MCU: variants seen among roughly 807,000 people sequenced by gnomAD.
MCU encodes the protein mitochondrial calcium uniporter, also known as calcium uniporter protein, mitochondrial.
MCU carries 12 observed loss-of-function variants against 45.2 expected under a neutral mutation model. The observed-to-expected ratio is 0.27, with a 90% CI of 0.17 to 0.43. MCU has a LOEUF of 0.43. Among genes scored for constraint, MCU ranks in the 20% least tolerant of loss-of-function variants. The probability of loss-of-function intolerance (pLI) is 1.00; values close to 1 mark genes in which losing one functional copy is unlikely to be tolerated. For synonymous variants in MCU, 160 were observed against 165.1 expected (o/e 0.97, Z 0.24); for missense variants, 324 against 436.7 (o/e 0.74, Z 2.30).
At chr10:72,772,778 A>G (rs925477790) in intron 1 of MCU, among the ~76,000 whole-genome samples, 21 of 152,368 alleles carry the variant, frequency 1.4e-4, no homozygotes, top group Non-Finnish European at 2.9e-4. Flanking sequence ...AGGTATACCC[A>G]TAAGAAACAA....
At chr10:72,699,125 A>G (rs1399944954) in intron 1 of MCU, among the ~76,000 whole-genome samples, 1 of 152,168 alleles carries the variant, frequency 6.6e-6, no homozygotes, top group Non-Finnish European at 1.5e-5. Context: ...GATTAATGCC[A>G]TACCATGGCT....
At position 72,751,104 on chromosome 10, in the gene MCU, G is replaced by A. The variant is rs187916276; in HGVS notation, c.150+58803G>A. Among the ~76,000 whole-genome samples, 473 of 152,026 alleles carry A rather than the reference G, an allele frequency of 3.1e-3. 2 individuals carry two copies. The highest frequency in any genetic ancestry group is 0.011 in the African/African-American group (448 of 41,480). On this transcript the variant is annotated intron_variant, in intron 1 of 7. Transcript: ENST00000373053. ...CAATCTCCATCTCCTGGGTTCAAGCGTTTTTCCTGCCTCAGCCTCCCGAGT... is the reference window on the plus strand; with the variant it reads ...CAATCTCCATCTCCTGGGTTCAAGCATTTTTCCTGCCTCAGCCTCCCGAGT...
At position 72,839,122 on chromosome 10, in the gene MCU, T is replaced by A. The variant is rs555667287; in HGVS notation, c.220+4694T>A. On this transcript the variant is annotated intron_variant, in intron 2 of 7. Transcript: ENST00000373053. ...CTCGTGCCTCAGCCTCCCTAGCAGCTGGGATTACAAGCACGCACCATCACG... is the reference window on the plus strand; with the variant it reads ...CTCGTGCCTCAGCCTCCCTAGCAGCAGGGATTACAAGCACGCACCATCACG... Among the ~76,000 whole-genome samples, 10 of 152,194 alleles carry A rather than the reference T, an allele frequency of 6.6e-5. No individual in the cohort carries two copies. In the South Asian group the frequency reaches 1.9e-3, roughly 28 times the overall value.
At chr10:72,765,806 AAAG>A (rs1340933934) in intron 1 of MCU, among the ~76,000 whole-genome samples, 5 of 151,008 alleles carry the variant, frequency 3.3e-5, no homozygotes, top group East Asian at 1.9e-4. Flanking sequence ...AAAAAAAAAA[AAAG>A]AAAGAAACTC....
At chr10:72,846,726 G>T (rs1039864611) in intron 2 of MCU, among the ~76,000 whole-genome samples, 11 of 151,912 alleles carry the variant, frequency 7.2e-5, no homozygotes, top group African/African-American at 2.7e-4. Context: ...GACTGGCCTG[G>T]GAAGGCTCCT....
At chr10:72,715,154 C>T (rs1438076682) in intron 1 of MCU, 1 of 985,444 alleles carries the variant, frequency 1.0e-6, no homozygotes, top group Non-Finnish European at 1.2e-6. Context: ...GATACCGTTT[C>T]TACCTCACTC....
At chr10:72,745,988 A>G (rs1038468723) in intron 1 of MCU, among the ~76,000 whole-genome samples, 5 of 152,122 alleles carry the variant, frequency 3.3e-5, no homozygotes, top group African/African-American at 1.2e-4. Flanking sequence ...CTGAGTGGCT[A>G]TTTTTAATGT....
intron 1 of MCU, among the ~76,000 whole-genome samples, chr10:72,742,481 G>A (rs1456332627): frequency 6.6e-6 from 1 of 152,070 alleles, no homozygotes; most frequent in Non-Finnish European, 1.5e-5. Flanking sequence ...GTATCATTCA[G>A]CTATTTTTTT....
At chr10:72,853,816 A>G (rs983801543) in intron 2 of MCU, among the ~76,000 whole-genome samples, 1 of 152,142 alleles carries the variant, frequency 6.6e-6, no homozygotes, top group Non-Finnish European at 1.5e-5. Context: ...CAGCCTGGGC[A>G]ACATAGTGAG....
At chr10:72,750,307 G>A (rs542946952) in intron 1 of MCU, among the ~76,000 whole-genome samples, 63 of 152,136 alleles carry the variant, frequency 4.1e-4, no homozygotes, top group Admixed American at 8.5e-4. Context: ...AAGGTTTTAC[G>A]TGCATGAATA....
At chr10:72,735,066 A>C (rs1287739444) in intron 1 of MCU, among the ~76,000 whole-genome samples, 1 of 146,954 alleles carries the variant, frequency 6.8e-6, no homozygotes, top group Non-Finnish European at 1.5e-5. Flanking sequence ...ACAGAGTGAG[A>C]TTGTCTCAAA....
intron 1 of MCU, among the ~76,000 whole-genome samples, chr10:72,816,315 C>T (rs997011513): frequency 2.6e-5 from 4 of 151,966 alleles, no homozygotes; most frequent in East Asian, 3.9e-4. Flanking sequence ...TTAAATAATA[C>T]GTAGGAATGG....
At chr10:72,812,160 T>C (rs1175567216) in intron 1 of MCU, among the ~76,000 whole-genome samples, 1 of 152,138 alleles carries the variant, frequency 6.6e-6, no homozygotes, top group East Asian at 1.9e-4. Context: ...GTTTTTTTTC[T>C]TTTTGAGAGG....
At position 72,851,798 on chromosome 10, in the gene MCU, T is replaced by C. The variant is rs72642248; in HGVS notation, c.221-7379T>C. On this transcript the variant is annotated intron_variant, in intron 2 of 7. Coordinates refer to ENST00000373053, the MANE Select transcript of MCU (RefSeq NM_138357.3). ...CCCATCTTCCTAACCTGTTGCTCTT[T>C]CGTTAGTTTTTGTGAAGGCAGTTTA... Among the ~76,000 whole-genome samples the C allele has an allele frequency of 2.4e-3, 372 of 152,336 alleles. 7 individuals carry two copies. In the East Asian group the frequency reaches 0.046, roughly 19 times the overall value.
At chr10:72,804,615 GT>G (rs1365030017) in intron 1 of MCU, among the ~76,000 whole-genome samples, 1 of 151,922 alleles carries the variant, frequency 6.6e-6, no homozygotes, top group Non-Finnish European at 1.5e-5. Flanking sequence ...ATTGAAATTT[GT>G]TTTTTTGTTG....
At chr10:72,810,420 AC>A (rs1168635058) in intron 1 of MCU, among the ~76,000 whole-genome samples, 8 of 151,054 alleles carry the variant, frequency 5.3e-5, no homozygotes, top group African/African-American at 1.9e-4. Flanking sequence ...TTAGTGAGTA[AC>A]ATGATTTTGT....
intron 1 of MCU, among the ~76,000 whole-genome samples, chr10:72,791,050 G>T (rs1844152089): frequency 6.6e-6 from 1 of 152,106 alleles, no homozygotes; most frequent in African/African-American, 2.4e-5. Flanking sequence ...CTATATTCTT[G>T]ATAGTCTTAG....
intron 7 of MCU, among the ~76,000 whole-genome samples, chr10:72,884,943 G>A (rs1285791924): frequency 6.6e-6 from 1 of 152,018 alleles, no homozygotes; most frequent in Admixed American, 6.6e-5. Flanking sequence ...TTTGATTTTG[G>A]TGAATAAACC....
At chr10:72,817,793 T>C (rs1044321421) in intron 1 of MCU, among the ~76,000 whole-genome samples, 1 of 152,188 alleles carries the variant, frequency 6.6e-6, no homozygotes, top group African/African-American at 2.4e-5. Context: ...TGTGTCTTAT[T>C]TTGTATTAGT....
Sources: gnomAD v4.1 joint callset for allele counts (sites outside exome capture counted in the v4.1 genomes callset) on GRCh38, gnomAD v4.1.1 for gene constraint, MANE v1.5 for transcripts, NCBI Gene and HGNC (gene_info 2026-07-23, HGNC 2026-07-21) for gene names.